The following PCDHGB2 variants were observed in gnomAD, a reference collection of about 807,000 sequenced individuals.
PCDHGB2 encodes protocadherin gamma subfamily B, 2.
In PCDHGB2, 55 loss-of-function variants were observed where a neutral mutation model predicts 59.3. The ratio of observed to expected loss-of-function variants is 0.93; its 90% CI spans 0.75 to 1.16. PCDHGB2 has a LOEUF of 1.16. Ranked by LOEUF, PCDHGB2 falls within the 50% of genes most tolerant of loss-of-function variation. The pLI, the probability that PCDHGB2 is intolerant of heterozygous loss-of-function variation, is 0.00. For synonymous variants in PCDHGB2, 516 were observed against 512.0 expected (o/e 1.01, Z -0.11); for missense variants, 1,228 against 1,198.5 (o/e 1.02, Z -0.36).
chr5:141,429,314 C>A (rs1463397731), intron 1 of PCDHGB2, among the ~76,000 whole-genome samples: 2 of 151,722 alleles, frequency 1.3e-5, no homozygotes, highest in Admixed American at 6.6e-5. Flanking sequence ...GTATATAAGG[C>A]TTTTTCTTTA....
chr5:141,366,411 T>C lies in PCDHGB2; in HGVS notation c.2421+3855T>C, dbSNP rs759374656. ...GATCTGGACCTCACACTCTATCTTG[T>C]GGTGGCAGTGGCTGCAGTCTCCTGC... On this transcript the variant is annotated intron_variant, in intron 1 of 3. Coordinates refer to ENST00000522605, the MANE Select transcript of PCDHGB2 (RefSeq NM_018923.3). The C allele has an allele frequency of 6.2e-7, 1 of 1,614,194 alleles. No individual in the cohort carries two copies.
intron 1 of PCDHGB2, chr5:141,382,795 T>A: frequency 1.0e-6 from 1 of 982,614 alleles, no homozygotes; most frequent in Non-Finnish European, 1.5e-6. Context: ...TCTATCCTGC[T>A]GGATTCTGAG....
rs766038218 is a variant in PCDHGB2 at position 141,398,581 on chromosome 5, T to C, written c.2421+36025T>C. The stretch of plus-strand genomic sequence containing the variant: ...TGAGTCTGCACAGCCTGGCACAAGA[T>C]TTATACTAGAAGTAGCAGAAGATGC... On this transcript the variant is annotated intron_variant, in intron 1 of 3. Transcript: ENST00000522605. The C allele has an allele frequency of 1.2e-5, 20 of 1,614,028 alleles. No individual in the cohort carries two copies. In the Admixed American group the frequency reaches 2.2e-4, roughly 17 times the overall value.
At chr5:141,438,985 A>G (rs1461265086) in intron 1 of PCDHGB2, among the ~76,000 whole-genome samples, 1 of 151,940 alleles carries the variant, frequency 6.6e-6, no homozygotes, top group Non-Finnish European at 1.5e-5. Context: ...ACTTATCTTA[A>G]AAGGCTAAGG....
chr5:141,375,164 C>A (rs374150026), intron 1 of PCDHGB2: 3 of 1,613,840 alleles, frequency 1.9e-6, no homozygotes, highest in African/African-American at 1.3e-5. Flanking sequence ...TGAAAGTGCA[C>A]CTCCAGGAAC....
rs950164698 is a variant in PCDHGB2, at chr5:141,423,459, G to A, written c.2421+60903G>A. ...TGCCCACGTCACATTTTGTAGGCGT[G>A]GACGGGGTACAGGCTTTCCTGCAAA... On this transcript the variant is annotated intron_variant, in intron 1 of 3. Coordinates refer to ENST00000522605, the MANE Select transcript of PCDHGB2 (RefSeq NM_018923.3). 4.3e-6 allele frequency: 7 copies of A among 1,614,006 alleles called. No individual in the cohort carries two copies. In the South Asian group the frequency reaches 6.6e-5, roughly 15 times the overall value.
chr5:141,378,847 A>G (rs1235220529), intron 1 of PCDHGB2: 2 of 152,214 alleles, frequency 1.3e-5, no homozygotes, highest in Non-Finnish European at 2.9e-5. Flanking sequence ...AGAGTTTTTG[A>G]CTGTCAATGA....
At position 141,422,391 on chromosome 5, in the gene PCDHGB2, T is replaced by A. The variant is rs1036823508; in HGVS notation, c.2421+59835T>A. On this transcript the variant is annotated intron_variant, in intron 1 of 3. Transcript: ENST00000522605. ...ATGGTCAAGTCTCCTGTTTTATTCCTAACCACCTGCCTTTTAAATTAGAAA... is the reference window on the plus strand; with the variant it reads ...ATGGTCAAGTCTCCTGTTTTATTCCAAACCACCTGCCTTTTAAATTAGAAA... 2.5e-6 allele frequency: 4 copies of A among 1,591,932 alleles called. No individual in the cohort carries two copies. The African/African-American group carries it at 4.1e-5, about 16-fold the overall frequency.
intron 2 of PCDHGB2, among the ~76,000 whole-genome samples, chr5:141,500,428 C>G (rs1224554560): frequency 6.6e-6 from 1 of 151,836 alleles, no homozygotes; most frequent in African/African-American, 2.4e-5. Context: ...CCAGGATGGT[C>G]TCGATCTCCT....
rs1246750536 is a variant in PCDHGB2 at position 141,386,428 on chromosome 5, C to T, written c.2421+23872C>T. On this transcript the variant is annotated intron_variant, in intron 1 of 3. Coordinates refer to ENST00000522605, the MANE Select transcript of PCDHGB2 (RefSeq NM_018923.3). ...TATGGTGTTGCAAGCTGTAGCCCAC[C>T]TGCATGGGAGGCTGAGGCAAGAGGA... Among the ~76,000 whole-genome samples the T allele has an allele frequency of 3.3e-5, 5 of 152,036 alleles. No individual in the cohort carries two copies. In the South Asian group the frequency reaches 6.2e-4, roughly 19 times the overall value.
intron 1 of PCDHGB2, among the ~76,000 whole-genome samples, chr5:141,446,128 G>A (rs1242643475): frequency 3.3e-5 from 5 of 152,188 alleles, no homozygotes; most frequent in Non-Finnish European, 7.3e-5. Flanking sequence ...GGTTCAATAA[G>A]ACTTAATAAT....
chr5:141,361,727 C>T lies in PCDHGB2; in HGVS notation c.1592C>T (p.Thr531Ile). 1.9e-6 allele frequency: 3 copies of T among 1,613,274 alleles called. No individual in the cohort carries two copies. The highest frequency in any genetic ancestry group is 2.5e-6 in the Non-Finnish European group (3 of 1,179,810). The change falls in exon 1 of 4, where the codon ACA becomes ATA. Residue 531 changes from threonine (T) to isoleucine (I), a missense_variant. By Grantham distance (89) the Thr-to-Ile change is moderately conservative. Transcript: ENST00000522605. ...GAGCAGCTGCGCGCCTTCGAGCTCA[C>T]ACTGCAGGCCCGCGACCAGGGCTCG... is the stretch of plus-strand genomic sequence containing the variant. ...DHEQLRAFEL[T>I]LQARDQGSPA...
rs756216038 is a variant in PCDHGB2, at chr5:141,477,967, C to G, written c.2422-16840C>G. 1.9e-6 allele frequency: 3 copies of G among 1,614,032 alleles called. No homozygotes were observed. Among genetic ancestry groups the G allele is most frequent in the Admixed American group, 3.3e-5 (2 of 59,996 alleles). ...GTCTCTTGGGATCCCCTAACCAGAG[C>G]CTTTTTGCCATAGGGCTGCACACTG... On this transcript the variant is annotated intron_variant, in intron 1 of 3. Transcript: ENST00000522605. The surrounding 1 kb of genome is among the most constrained non-coding windows in gnomAD (Gnocchi z 4.9).
intron 1 of PCDHGB2, chr5:141,414,381 T>A: frequency 6.2e-7 from 1 of 1,613,866 alleles, no homozygotes. Context: ...AAAAGTCCAT[T>A]GACAGTTATT....
chr5:141,431,178 TAA>T lies in PCDHGB2; in HGVS notation c.2422-63625_2422-63624del. On this transcript the variant is annotated intron_variant, in intron 1 of 3. Transcript: ENST00000522605. This position sits in a 1 kb window ranked among gnomAD's most constrained non-coding sequence, Gnocchi z 4.8. ...TACTTTCGTGAAAGTGAATTAGAAA[TAA>T]AAATTAGTGAAAATGCAGCCACTGA... is the stretch of plus-strand genomic sequence containing the variant. 1 of 1,614,078 alleles carries T rather than the reference TAA, an allele frequency of 6.2e-7. No homozygotes were observed. Among genetic ancestry groups the T allele is most frequent in the Non-Finnish European group, 8.5e-7 (1 of 1,180,000 alleles).
chr5:141,385,626 G>T, intron 1 of PCDHGB2: 1 of 1,001,778 alleles, frequency 1.0e-6, no homozygotes, highest in Non-Finnish European at 1.3e-6. Flanking sequence ...ACATTGGAAT[G>T]AATCGAGTCT....
rs571984924 is a variant in PCDHGB2 at position 141,383,845 on chromosome 5, G to T, written c.2421+21289G>T. ...AGATTATGAAGAAACTGCCTTCTAT[G>T]AAATGGAGGTTCAGGCTCAAGATGG... On this transcript the variant is annotated intron_variant, in intron 1 of 3. Coordinates refer to ENST00000522605, the MANE Select transcript of PCDHGB2 (RefSeq NM_018923.3). The T allele has an allele frequency of 1.6e-4, 259 of 1,613,938 alleles. 1 individual carries two copies. The South Asian group carries it at 2.6e-3, about 16-fold the overall frequency.
intron 3 of PCDHGB2, 93 bp downstream of exon 3, chr5:141,505,574 C>G: frequency 6.3e-7 from 1 of 1,593,636 alleles, no homozygotes; most frequent in South Asian, 1.1e-5. Flanking sequence ...GGATGTCAAA[C>G]CTGTGTAGTT....
At chr5:141,441,734 G>GAT in intron 1 of PCDHGB2, 1 of 364,808 alleles carries the variant, frequency 2.7e-6, no homozygotes, top group South Asian at 2.2e-5. Context: ...ACCAGGACTA[G>GAT]CTCGCGCTCG....
Sources: allele counts gnomAD v4.1 joint callset (sites outside exome capture counted in the v4.1 genomes callset), GRCh38; gene constraint gnomAD v4.1.1; non-coding constraint Gnocchi (gnomAD v3.1); transcripts MANE v1.5; gene names NCBI Gene and HGNC (gene_info 2026-07-23, HGNC 2026-07-21).